NCKAP1L: variants seen among roughly 807,000 people sequenced by gnomAD.
The protein encoded by NCKAP1L is NCK associated protein 1 like, also known as nck-associated protein 1-like.
NCKAP1L carries 53 observed loss-of-function variants against 139.2 expected under a neutral mutation model. The ratio of observed to expected loss-of-function variants is 0.38; its 90% CI spans 0.31 to 0.48. The LOEUF (loss-of-function observed/expected upper bound fraction) is 0.48. NCKAP1L is among the 20% of genes least tolerant of loss of function. The pLI, the probability that NCKAP1L is intolerant of heterozygous loss-of-function variation, is 0.98. For missense variants in NCKAP1L, 1,151 were observed against 1,381.9 expected (o/e 0.83, Z 2.65); for synonymous variants, 468 against 499.7 (o/e 0.94, Z 0.85).
Position 54,517,884 on chromosome 12 carries a change from C to A in NCKAP1L, c.1284C>A (p.Tyr428Ter). ...VRRHIKVIQQYHLQYLARFDA... is the reference protein window; with the variant it reads ...VRRHIKVIQQ ...GACACATCAAAGTGATACAGCAATA[C>A]CACCTTCAGTACTTGGCAAGATTTG... is the stretch of plus-strand genomic sequence containing the variant. The change falls in exon 13 of 31, where the codon TAC (tyrosine) becomes TAA (stop). Residue 428 changes from tyrosine (Y) to a stop codon, truncating the protein, a stop_gained. Coordinates refer to ENST00000293373, the MANE Select transcript of NCKAP1L (RefSeq NM_005337.5). LOFTEE classifies it high-confidence loss of function. The A allele has an allele frequency of 2.5e-6, 4 of 1,614,110 alleles. No homozygotes were observed. The highest frequency in any genetic ancestry group is 1.7e-5 in the Admixed American group (1 of 60,018).
At chr12:54,524,122 G>A (rs886950985) in intron 20 of NCKAP1L, among the ~76,000 whole-genome samples, 166 bp downstream of exon 20, 1 of 152,134 alleles carries the variant, frequency 6.6e-6, no homozygotes, top group Non-Finnish European at 1.5e-5. Context: ...TAGGTCCCAA[G>A]CATCTCTATT....
At chr12:54,503,832 G>GA (rs957619057) in intron 3 of NCKAP1L, among the ~76,000 whole-genome samples, 4 of 151,840 alleles carry the variant, frequency 2.6e-5, no homozygotes, top group African/African-American at 9.7e-5. Flanking sequence ...AGAGATGGGG[G>GA]ATCTCACCAT....
chr12:54,519,368 T>C, intron 16 of NCKAP1L, 36 bp downstream of exon 16: 1 of 1,408,612 alleles, frequency 7.1e-7, no homozygotes, highest in South Asian at 1.8e-5. Context: ...TAAAAAGTTT[T>C]ATTGTTTCCT....
rs1271699462 is a variant in NCKAP1L at position 54,498,736 on chromosome 12, T to C, written c.103-619T>C. ...TCTAACTCCTGAGCAGCTGCTTTTC[T>C]TGTTCCTTCCGGCTTCAGTTGAGGG... On this transcript the variant is annotated intron_variant, in intron 1 of 30. Coordinates refer to ENST00000293373, the MANE Select transcript of NCKAP1L (RefSeq NM_005337.5). The C allele has an allele frequency of 5.1e-6, 5 of 972,216 alleles. No individual in the cohort carries two copies. In the East Asian group the frequency reaches 4.6e-4, roughly 89 times the overall value. 60.2% of individuals were successfully genotyped at this position (972,216 alleles called of 1,614,324 possible). A position where few individuals can be genotyped will look rare whatever the true frequency, so the allele number is the denominator to read the frequency against.
chr12:54,517,768 A>G (rs765549807), intron 12 of NCKAP1L, 38 bp from the exon 13 acceptor site: 1 of 1,611,552 alleles, frequency 6.2e-7, no homozygotes, highest in African/African-American at 1.3e-5. Context: ...TCATATTTCT[A>G]GTCTTATTCA....
chr12:54,510,973 A>T (rs1565674492), intron 7 of NCKAP1L, among the ~76,000 whole-genome samples: 1 of 152,158 alleles, frequency 6.6e-6, no homozygotes, highest in Non-Finnish European at 1.5e-5. Flanking sequence ...TTAATTAATA[A>T]ATGTTTTTGT....
At position 54,508,272 on chromosome 12, in the gene NCKAP1L, A is replaced by G. The variant is rs1565673455; in HGVS notation, c.364-117A>G. On this transcript the variant is annotated intron_variant, in intron 4 of 30. Coordinates refer to ENST00000293373, the MANE Select transcript of NCKAP1L (RefSeq NM_005337.5). The stretch of plus-strand genomic sequence containing the variant: ...CTTCTTTTCAATCCTGTCAGTTCCT[A>G]CTTCTAAATAGATTCACTCGGAATA... 4.7e-6 allele frequency: 5 copies of G among 1,073,446 alleles called. No homozygotes were observed. The East Asian group carries it at 1.2e-4, about 26-fold the overall frequency. The allele number at this position is 1,073,446 out of a possible 1,614,324, so 66.5% of individuals were successfully genotyped here.
At position 54,511,791 on chromosome 12, in the gene NCKAP1L, C is replaced by G. The variant is rs747804986; in HGVS notation, c.736-12C>G. The stretch of plus-strand genomic sequence containing the variant: ...GTTAAATAACTGATCATCTTTGCTT[C>G]TCTTCTCACAGATGGCCTGTGAGTA... On this transcript the variant is annotated splice_polypyrimidine_tract_variant and intron_variant, in intron 7 of 30. Transcript: ENST00000293373. The G allele has an allele frequency of 9.3e-6, 15 of 1,613,172 alleles. No homozygotes were observed. The highest frequency in any genetic ancestry group is 3.3e-4 in the Middle Eastern group (2 of 6,052).
At chr12:54,499,589 T>C in intron 2 of NCKAP1L, 124 bp downstream of exon 2, 1 of 610,076 alleles carries the variant, frequency 1.6e-6, no homozygotes, top group Non-Finnish European at 2.9e-6. Context: ...TTATTAATAG[T>C]TTTCCAAGGC....
intron 2 of NCKAP1L, 67 bp from the exon 3 acceptor site, chr12:54,500,466 C>G (rs1956789263): frequency 8.9e-7 from 1 of 1,123,688 alleles, no homozygotes; most frequent in South Asian, 1.2e-5. Flanking sequence ...CACTGTTCTT[C>G]TTGAGTTATT....
rs1280424267 is a variant in NCKAP1L at position 54,546,622 on chromosome 12, G to A, written c.*3937G>A. ...GGCTGAAATGCACTCACGCGGTTGG[G>A]GGAAGAGTGTTCTTCCAGTCCTCCT... On this transcript the variant is annotated 3_prime_UTR_variant, in exon 31 of 31. Coordinates refer to ENST00000293373, the MANE Select transcript of NCKAP1L (RefSeq NM_005337.5). 1 of 152,196 alleles carries A rather than the reference G, an allele frequency of 6.6e-6. No homozygotes were observed. The highest frequency in any genetic ancestry group is 1.9e-4 in the East Asian group (1 of 5,188). 9.4% of individuals were successfully genotyped at this position (152,196 alleles called of 1,614,324 possible). A position where few individuals can be genotyped will look rare whatever the true frequency, so the allele number is the denominator to read the frequency against.
chr12:54,502,326 G>A (rs1321533989), intron 3 of NCKAP1L, among the ~76,000 whole-genome samples: 1 of 152,174 alleles, frequency 6.6e-6, no homozygotes, highest in Non-Finnish European at 1.5e-5. Flanking sequence ...TTTCGGGTTA[G>A]GGAAGCTCAA....
At chr12:54,516,326 G>A in intron 10 of NCKAP1L, 31 bp downstream of exon 10, 1 of 1,598,694 alleles carries the variant, frequency 6.3e-7, no homozygotes, top group Admixed American at 1.7e-5. Context: ...TCTCTGAGAG[G>A]GGATGGAATA....
chr12:54,500,548 G>A lies in NCKAP1L; in HGVS notation c.229G>A (p.Val77Ile). 1.2e-6 allele frequency: 2 copies of A among 1,611,838 alleles called. No individual in the cohort carries two copies. Among genetic ancestry groups the A allele is most frequent in the Non-Finnish European group, 1.7e-6 (2 of 1,178,024 alleles). The change falls in exon 3 of 31, where the codon GTA becomes ATA. Residue 77 changes from valine (V) to isoleucine (I), a missense_variant. Transcript: ENST00000293373. ...TTTCTCTCAGCAACATTTAGGACCAGTACATCGTGAAAAAGCCGAGATAAT... is the reference window on the plus strand; with the variant it reads ...TTTCTCTCAGCAACATTTAGGACCAATACATCGTGAAAAAGCCGAGATAAT... ...VRNSTQHLGP[V>I]HREKAEIIRF...
intron 26 of NCKAP1L, among the ~76,000 whole-genome samples, chr12:54,533,721 C>T (rs1957092027): frequency 6.6e-6 from 1 of 152,086 alleles, no homozygotes. Flanking sequence ...AGGTTCATGC[C>T]ACCACACCTG....
At chr12:54,537,865 A>C (rs1957124918) in intron 29 of NCKAP1L, among the ~76,000 whole-genome samples, 1 of 152,182 alleles carries the variant, frequency 6.6e-6, no homozygotes, top group African/African-American at 2.4e-5. Context: ...TTCTTAAAAA[A>C]AATGTTAAAA....
intron 9 of NCKAP1L, among the ~76,000 whole-genome samples, chr12:54,513,900 G>T (rs1382541274): frequency 1.3e-5 from 2 of 151,824 alleles, no homozygotes; most frequent in African/African-American, 4.8e-5. Context: ...ATCCAGAAAT[G>T]TAAAAAGTGC....
chr12:54,505,329 ATAAG>A (rs1012120890), intron 3 of NCKAP1L, among the ~76,000 whole-genome samples: 15 of 152,232 alleles, frequency 9.9e-5, no homozygotes, highest in African/African-American at 2.9e-4. Context: ...TTTTTGGAAG[ATAAG>A]TAAGAAGCAC....
At position 54,508,480 on chromosome 12, in the gene NCKAP1L, G is replaced by A. The variant is rs149360088; in HGVS notation, c.455G>A (p.Arg152Gln). The A allele has an allele frequency of 1.9e-3, 3,066 of 1,614,142 alleles. 2 individuals are homozygous for A. Among genetic ancestry groups the A allele is most frequent in the Non-Finnish European group, 2.4e-3 (2,850 of 1,180,000 alleles). ...ILLLSRIEDRRILIGMYNCAH... is the reference protein window; with the variant it reads ...ILLLSRIEDRQILIGMYNCAH... ...CTTCTGTCACGGATTGAAGATCGGC[G>A]GATACTCATTGGCATGTACAATTGT... is the stretch of plus-strand genomic sequence containing the variant. Residue 152 changes from arginine to glutamine, a missense_variant, in exon 5 of 31, where the codon CGG (arginine) becomes CAG (glutamine). By Grantham distance (43) the Arg-to-Gln change is conservative. Transcript: ENST00000293373.
Sources: allele counts gnomAD v4.1 joint callset (sites outside exome capture counted in the v4.1 genomes callset), GRCh38; gene constraint gnomAD v4.1.1; transcripts MANE v1.5; gene names NCBI Gene and HGNC (gene_info 2026-07-23, HGNC 2026-07-21).